Variants in DEFB110 observed in about 807,000 individuals in gnomAD.
The protein encoded by DEFB110 is defensin beta 110.
In DEFB110, 4 loss-of-function variants were observed where a neutral mutation model predicts 2.5. That is an observed-to-expected ratio of 1.60 (90% CI 0.79 to 3.66). The LOEUF (loss-of-function observed/expected upper bound fraction) is 3.66. Ranked by LOEUF, DEFB110 falls within the 30% of genes most tolerant of loss-of-function variation. DEFB110 has a pLI of 0.01. For missense variants in DEFB110, 94 were observed against 75.4 expected, an observed-to-expected ratio of 1.25 and a Z score of -0.91; for synonymous variants, 29 against 21.8, an observed-to-expected ratio of 1.33 and a Z score of -0.92.
intron 1 of DEFB110, among the ~76,000 whole-genome samples, chr6:50,009,930 C>T (rs1774199476): frequency 6.6e-6 from 1 of 152,014 alleles, no homozygotes; most frequent in South Asian, 2.1e-4. Flanking sequence ...TCCAAAATCA[C>T]AGTTTTATAT....
intron 1 of DEFB110, chr6:50,009,371 G>A: frequency 7.8e-7 from 1 of 1,275,436 alleles, no homozygotes; most frequent in South Asian, 1.5e-5. Flanking sequence ...GAGATCATGT[G>A]TGTGCAAGTT....
Position 50,019,003 on chromosome 6 carries a change from C to T in DEFB110, c.178G>A (p.Gly60Arg). The change falls in exon 2 of 2, where the codon GGA (glycine) becomes AGA (arginine). Residue 60 changes from glycine (G) to arginine (R), a missense_variant. Gly to Arg is a moderately radical substitution (Grantham distance 125). Transcript: ENST00000371148. ...EIRIAYCIRPGTHCCLQQ is the reference protein window; with the variant it reads ...EIRIAYCIRPRTHCCLQQ ...TACTGCTGCAAGCAGCAATGAGTTC[C>T]AGGTCTTATGCAGTAAGCAATCCTA... 6.2e-7 allele frequency: 1 copy of T among 1,612,482 alleles called. No individual in the cohort carries two copies. Among genetic ancestry groups the T allele is most frequent in the Non-Finnish European group, 8.5e-7 (1 of 1,179,140 alleles).
intron 1 of DEFB110, among the ~76,000 whole-genome samples, chr6:50,010,234 G>A (rs1164290308): frequency 6.6e-6 from 1 of 151,834 alleles, no homozygotes. Flanking sequence ...AAATAATTTT[G>A]TTAAAATTTA....
chr6:50,015,299 A>G (rs1242883737), downstream of DEFB110, among the ~76,000 whole-genome samples: 1 of 151,778 alleles, frequency 6.6e-6, no homozygotes, highest in Non-Finnish European at 1.5e-5. Context: ...ACTTCGAGAG[A>G]CCTTTACAAT....
At chr6:50,014,874 C>T (rs1339266776), downstream of DEFB110, among the ~76,000 whole-genome samples, 1 of 151,864 alleles carries the variant, frequency 6.6e-6, no homozygotes, top group East Asian at 1.9e-4. Flanking sequence ...TAATGAAGGG[C>T]TAGTCCCTCA....
At chr6:50,016,608 AG>A (rs566741320), downstream of DEFB110, among the ~76,000 whole-genome samples, 250 of 151,926 alleles carry the variant, frequency 1.6e-3, 2 homozygotes, top group South Asian at 2.3e-3. Context: ...CTGGGGGCAG[AG>A]TAATTAGTAA....
chr6:50,021,898 C>A lies in DEFB110; in HGVS notation c.38G>T (p.Trp13Leu). The change falls in exon 1 of 2, where the codon TGG becomes TTG. Residue 13 changes from tryptophan to leucine, a missense_variant. By Grantham distance (61) the Trp-to-Leu change is moderately conservative. Transcript: ENST00000371148. ...CATATTACCTGGTAAAATTGTGACCCAAAAGTGCAGAATAAAGAAAAAAAG... is the reference window on the plus strand; with the variant it reads ...CATATTACCTGGTAAAATTGTGACCAAAAAGTGCAGAATAAAGAAAAAAAG... ...IQLFFFILHFWVTILPAKKKY... is the reference protein window; with the variant it reads ...IQLFFFILHFLVTILPAKKKY... The A allele has an allele frequency of 1.3e-6, 2 of 1,555,016 alleles. No homozygotes were observed. The highest frequency in any genetic ancestry group is 1.7e-6 in the Non-Finnish European group (2 of 1,158,852).
intron 1 of DEFB110, chr6:50,009,292 T>C: frequency 6.3e-7 from 1 of 1,582,534 alleles, no homozygotes; most frequent in South Asian, 1.2e-5. Flanking sequence ...GAAAAATATC[T>C]AAAGTTATTA....
chr6:50,018,748 T>G, downstream of DEFB110: 4 of 1,137,368 alleles, frequency 3.5e-6, no homozygotes, highest in Non-Finnish European at 3.3e-6. Context: ...TTGAGGAACT[T>G]GCATAAAATA....
intron 1 of DEFB110, 101 bp downstream of exon 1, chr6:50,021,780 G>A: frequency 9.2e-7 from 1 of 1,088,832 alleles, no homozygotes. Flanking sequence ...TTTGTGAAAT[G>A]ATGTTTTAAT....
At chr6:50,016,436 T>G (rs1333503333), downstream of DEFB110, among the ~76,000 whole-genome samples, 10 of 151,740 alleles carry the variant, frequency 6.6e-5, no homozygotes, top group Non-Finnish European at 2.9e-5. Flanking sequence ...AAAACTTAAG[T>G]TTTTTAGAAC....
downstream of DEFB110, among the ~76,000 whole-genome samples, chr6:50,016,679 T>C (rs1774322220): frequency 6.6e-6 from 1 of 151,700 alleles, no homozygotes; most frequent in African/African-American, 2.4e-5. Flanking sequence ...TTCTAGAGTT[T>C]TCAGTCTTTT....
chr6:50,017,633 T>C (rs1301614913), downstream of DEFB110, among the ~76,000 whole-genome samples: 1 of 151,932 alleles, frequency 6.6e-6, no homozygotes, highest in Non-Finnish European at 1.5e-5. Flanking sequence ...ATTGTAAAGA[T>C]ACTTTTGAAG....
At chr6:50,020,029 T>A (rs1774392311) in intron 1 of DEFB110, among the ~76,000 whole-genome samples, 1 of 152,128 alleles carries the variant, frequency 6.6e-6, no homozygotes, top group Non-Finnish European at 1.5e-5. Flanking sequence ...AAAAGTGTGT[T>A]AACTCCTACT....
intron 1 of DEFB110, among the ~76,000 whole-genome samples, chr6:50,010,575 G>A (rs1305797176): frequency 1.3e-5 from 2 of 150,076 alleles, no homozygotes; most frequent in Non-Finnish European, 3.0e-5. Context: ...ACATATATAT[G>A]ACATGTAAAT....
chr6:50,017,307 C>T (rs138027635), downstream of DEFB110, among the ~76,000 whole-genome samples: 6 of 151,796 alleles, frequency 4.0e-5, no homozygotes, highest in African/African-American at 1.4e-4. Context: ...ATGTAATTGG[C>T]CACCTGAAAA....
At chr6:50,014,656 A>G (rs1172187762), downstream of DEFB110, among the ~76,000 whole-genome samples, 5 of 151,792 alleles carry the variant, frequency 3.3e-5, no homozygotes, top group Admixed American at 6.6e-5. Context: ...AAACACCTTT[A>G]CAAATTCTCA....
chr6:50,011,605 CA>C (rs1264242445), intron 1 of DEFB110, among the ~76,000 whole-genome samples: 1 of 151,976 alleles, frequency 6.6e-6, no homozygotes, highest in African/African-American at 2.4e-5. Context: ...CAGTGGTCTC[CA>C]TGACTCAATG....
chr6:50,017,379 G>A (rs1340271108), downstream of DEFB110, among the ~76,000 whole-genome samples: 1 of 151,710 alleles, frequency 6.6e-6, no homozygotes, highest in Non-Finnish European at 1.5e-5. Context: ...ATGGGTGCTT[G>A]ACTTTATAAA....
Sources: gnomAD v4.1 joint callset for allele counts (sites outside exome capture counted in the v4.1 genomes callset) on GRCh38, gnomAD v4.1.1 for gene constraint, MANE v1.5 for transcripts, NCBI Gene and HGNC (gene_info 2026-07-23, HGNC 2026-07-21) for gene names.